Variants in CYP11A1 observed in about 807,000 individuals in gnomAD.
CYP11A1 encodes the protein cholesterol side-chain cleavage enzyme, mitochondrial.
A neutral mutation model predicts 51.9 loss-of-function variants in CYP11A1; 25 were observed. The ratio of observed to expected loss-of-function variants is 0.48; its 90% confidence interval spans 0.35 to 0.67. The LOEUF (loss-of-function observed/expected upper bound fraction) is 0.67. Among genes scored for constraint, CYP11A1 ranks in the 30% least tolerant of loss-of-function variants. The pLI is 0.00. For synonymous variants in CYP11A1, 245 were observed against 262.1 expected, an observed-to-expected ratio of 0.93 and a Z score of 0.63; for missense variants, 578 against 680.9, an observed-to-expected ratio of 0.85 and a Z score of 1.68.
At chr15:74,342,610 G>C (rs1347927403) in intron 5 of CYP11A1, among the ~76,000 whole-genome samples, 1 of 152,168 alleles carries the variant, frequency 6.6e-6, no homozygotes, top group African/African-American at 2.4e-5. Flanking sequence ...TTGAGTGAGT[G>C]TGTTCTCCAC....
At chr15:74,352,700 T>C (rs2060661671) in intron 1 of CYP11A1, among the ~76,000 whole-genome samples, 1 of 152,222 alleles carries the variant, frequency 6.6e-6, no homozygotes, top group South Asian at 2.1e-4. Context: ...CTCAAAAGAA[T>C]GTAAACATCT....
rs189061107 is a variant in CYP11A1 at position 74,346,125 on chromosome 15, G to A, written c.426-882C>T. On this transcript the variant is annotated intron_variant, in intron 2 of 8. Coordinates refer to ENST00000268053, the MANE Select transcript of CYP11A1 (RefSeq NM_000781.3). ...CCCAGCATTTTGGGAGACCGAGGCA[G>A]GTGGATCACCTGAGGTCAGGAGTTC... Among the ~76,000 whole-genome samples the A allele has an allele frequency of 3.3e-3, 500 of 152,274 alleles. 6 individuals are homozygous for A. The highest frequency in any genetic ancestry group is 0.019 in the East Asian group (97 of 5,192).
intron 4 of CYP11A1, 59 bp from the exon 5 acceptor site, chr15:74,343,196 G>T: frequency 6.3e-7 from 1 of 1,581,584 alleles, no homozygotes; most frequent in Non-Finnish European, 8.7e-7. Context: ...TGGGAAGGAG[G>T]GCAGTCTGTG....
At chr15:74,359,287 C>T (rs1449602634) in intron 1 of CYP11A1, among the ~76,000 whole-genome samples, 1 of 152,156 alleles carries the variant, frequency 6.6e-6, no homozygotes, top group African/African-American at 2.4e-5. Context: ...CCCTGAGAAA[C>T]ATTGCCCATT....
intron 1 of CYP11A1, 26 bp downstream of exon 1, chr15:74,367,291 C>T (rs749784675): frequency 1.2e-5 from 19 of 1,613,886 alleles, no homozygotes; most frequent in Admixed American, 1.7e-5. Flanking sequence ...CCTGTCCCTT[C>T]GGCTCCCACC....
chr15:74,349,060 A>C (rs778752372), intron 1 of CYP11A1, among the ~76,000 whole-genome samples: 10 of 152,146 alleles, frequency 6.6e-5, no homozygotes, highest in African/African-American at 2.4e-4. Flanking sequence ...GTGTTCTTAC[A>C]TGAAGAGATG....
chr15:74,339,802 G>A (rs1387660226), intron 5 of CYP11A1, 49 bp from the exon 6 acceptor site: 1 of 1,601,122 alleles, frequency 6.2e-7, no homozygotes, highest in African/African-American at 1.3e-5. Flanking sequence ...TGTCACTCCG[G>A]GGCCCCTTGA....
intron 2 of CYP11A1, among the ~76,000 whole-genome samples, chr15:74,346,257 GC>G (rs2060632582): frequency 6.7e-6 from 1 of 148,516 alleles, no homozygotes; most frequent in South Asian, 2.1e-4. Flanking sequence ...GGAGCTTGAG[GC>G]AATAGAATCA....
At chr15:74,339,026 G>C (rs2060593366) in intron 7 of CYP11A1, among the ~76,000 whole-genome samples, 1 of 152,168 alleles carries the variant, frequency 6.6e-6, no homozygotes, top group Admixed American at 6.5e-5. Flanking sequence ...TCAGACCCAG[G>C]CAAATCATGA....
intron 1 of CYP11A1, 195 bp downstream of exon 1, chr15:74,367,122 A>G: frequency 1.6e-6 from 1 of 637,068 alleles, no homozygotes. Context: ...TAAGACATTC[A>G]CAGATTCAAA....
chr15:74,353,950 C>CT (rs559323780), intron 1 of CYP11A1, among the ~76,000 whole-genome samples: 304 of 152,312 alleles, frequency 2.0e-3, no homozygotes, highest in Non-Finnish European at 3.6e-3. Flanking sequence ...CTTAAACTAA[C>CT]TTTTTGGATT....
intron 1 of CYP11A1, among the ~76,000 whole-genome samples, chr15:74,350,429 G>T (rs2060650857): frequency 6.6e-6 from 1 of 152,204 alleles, no homozygotes; most frequent in Non-Finnish European, 1.5e-5. Context: ...GCTCTCATGA[G>T]TTGTGTGACA....
intron 1 of CYP11A1, chr15:74,354,413 CA>C (rs1421983115): frequency 2.0e-5 from 3 of 151,850 alleles, no homozygotes; most frequent in Admixed American, 1.3e-4. Context: ...TCCTATAAAA[CA>C]GCCCCACCCC....
intron 1 of CYP11A1, chr15:74,348,320 C>A: frequency 2.1e-6 from 1 of 471,792 alleles, no homozygotes; most frequent in Non-Finnish European, 3.9e-6. Flanking sequence ...TTTATGATCA[C>A]TGTTGCTGCT....
chr15:74,363,331 T>A (rs932688207), intron 1 of CYP11A1: 2 of 152,190 alleles, frequency 1.3e-5, no homozygotes, highest in Non-Finnish European at 2.9e-5. Context: ...GACTCCCAGG[T>A]TCAAGCAATC....
At chr15:74,361,500 C>T (rs2060708604) in intron 1 of CYP11A1, 2 of 555,490 alleles carry the variant, frequency 3.6e-6, no homozygotes, top group Non-Finnish European at 6.8e-6. Context: ...AGTTTATAAC[C>T]TGTCGCTTTG....
At chr15:74,339,140 GC>G (rs2060593750) in intron 7 of CYP11A1, 96 bp downstream of exon 7, 1 of 1,015,250 alleles carries the variant, frequency 9.8e-7, no homozygotes, top group African/African-American at 1.6e-5. Context: ...GCCATCAAGG[GC>G]CCCACCAGGG....
intron 1 of CYP11A1, chr15:74,363,271 G>A (rs1317485687): frequency 2.0e-5 from 3 of 152,246 alleles, no homozygotes; most frequent in Non-Finnish European, 4.4e-5. Context: ...GTCTCTCTCT[G>A]TTGCCCAGGC....
intron 1 of CYP11A1, among the ~76,000 whole-genome samples, chr15:74,356,017 C>A (rs1412808882): frequency 6.6e-6 from 1 of 152,234 alleles, no homozygotes; most frequent in Non-Finnish European, 1.5e-5. Flanking sequence ...AATTAATCAA[C>A]CTTGCCTTCA....
Sources: gnomAD v4.1 joint callset for allele counts (sites outside exome capture counted in the v4.1 genomes callset) on GRCh38, gnomAD v4.1.1 for gene constraint, MANE v1.5 for transcripts, NCBI Gene and HGNC (gene_info 2026-07-23, HGNC 2026-07-21) for gene names.